ATRNL1: variants seen among roughly 807,000 people sequenced by gnomAD.
The protein encoded by ATRNL1 is attractin like 1.
A neutral mutation model predicts 182.7 loss-of-function variants in ATRNL1; 95 were observed. That is an observed-to-expected ratio of 0.52 (90% CI 0.44 to 0.62). The LOEUF (loss-of-function observed/expected upper bound fraction) is 0.62. ATRNL1 is among the 20% of genes least tolerant of loss of function. The pLI is 0.00. For synonymous variants in ATRNL1, 576 were observed against 568.3 expected, an observed-to-expected ratio of 1.01 and a Z score of -0.19; for missense variants, 1,471 against 1,679.5, an observed-to-expected ratio of 0.88 and a Z score of 2.17.
chr10:115,486,119 C>T (rs1304378516), intron 24 of ATRNL1, among the ~76,000 whole-genome samples: 2 of 152,068 alleles, frequency 1.3e-5, no homozygotes, highest in Non-Finnish European at 2.9e-5. Context: ...TGTATATGTG[C>T]CACATTTTCT....
At chr10:115,338,913 A>G (rs927788974) in intron 19 of ATRNL1, among the ~76,000 whole-genome samples, 1 of 152,166 alleles carries the variant, frequency 6.6e-6, no homozygotes, top group Non-Finnish European at 1.5e-5. Flanking sequence ...GGCAAGAGAT[A>G]GGCTCTAGTT....
At chr10:115,709,032 A>G (rs139342718) in intron 26 of ATRNL1, among the ~76,000 whole-genome samples, 1,551 of 151,976 alleles carry the variant, frequency 0.01, 20 homozygotes, top group Non-Finnish European at 0.012. Flanking sequence ...CAGTGGCATC[A>G]GTAGACTGAA....
At chr10:115,397,193 G>A (rs1287989412) in intron 20 of ATRNL1, among the ~76,000 whole-genome samples, 5 of 151,886 alleles carry the variant, frequency 3.3e-5, no homozygotes, top group Non-Finnish European at 7.4e-5. Context: ...TATTAAGTGA[G>A]TACTTGATAC....
At chr10:115,324,047 G>T (rs1554932421) in intron 18 of ATRNL1, among the ~76,000 whole-genome samples, 1 of 152,182 alleles carries the variant, frequency 6.6e-6, no homozygotes, top group Non-Finnish European at 1.5e-5. Context: ...AAAGTGCTGG[G>T]ATTACAGGTG....
chr10:115,705,405 A>G (rs1453273056), intron 26 of ATRNL1, among the ~76,000 whole-genome samples: 1 of 151,970 alleles, frequency 6.6e-6, no homozygotes, highest in Non-Finnish European at 1.5e-5. Context: ...AATATGCTGT[A>G]TATTTATTAC....
chr10:115,639,215 T>C (rs1211773957), intron 26 of ATRNL1, among the ~76,000 whole-genome samples: 1 of 152,178 alleles, frequency 6.6e-6, no homozygotes, highest in Non-Finnish European at 1.5e-5. Context: ...TTTTAAACTA[T>C]GGAGTCTGTA....
chr10:115,377,280 C>G (rs1004550896), intron 19 of ATRNL1, among the ~76,000 whole-genome samples: 1 of 152,094 alleles, frequency 6.6e-6, no homozygotes, highest in African/African-American at 2.4e-5. Context: ...GTGAATAAGT[C>G]TCACGAGGTC....
chr10:115,215,551 T>A, intron 8 of ATRNL1, 146 bp from the exon 9 acceptor site: 1 of 645,836 alleles, frequency 1.5e-6, no homozygotes, highest in Non-Finnish European at 2.4e-6. Context: ...ACTTAATAAG[T>A]GTTTCTTGAT....
rs149730341 is a variant in ATRNL1 at position 115,529,084 on chromosome 10, T to C, written c.3716+9760T>C. ...GTGCCCATCAGGAGAATATGTATTC[T>C]GTTGTTTTTAGGTAGAATATCCTGT... On this transcript the variant is annotated intron_variant, in intron 25 of 28. Coordinates refer to ENST00000355044, the MANE Select transcript of ATRNL1 (RefSeq NM_207303.4). Among the ~76,000 whole-genome samples, 1,269 of 152,220 alleles carry C rather than the reference T, an allele frequency of 8.3e-3. 17 individuals are homozygous for C. The highest frequency in any genetic ancestry group is 0.029 in the African/African-American group (1,208 of 41,562).
chr10:115,449,115 A>G (rs1419002044), intron 21 of ATRNL1, among the ~76,000 whole-genome samples: 5 of 152,134 alleles, frequency 3.3e-5, no homozygotes, highest in Non-Finnish European at 7.4e-5. Context: ...CAAAGGGAGA[A>G]ATTTCTATCA....
rs200922432 is a variant in ATRNL1, at chr10:115,575,605, C to T, written c.3795+26069C>T. Among the ~76,000 whole-genome samples, 4 of 152,210 alleles carry T rather than the reference C, an allele frequency of 2.6e-5. No individual in the cohort carries two copies. In the East Asian group the frequency reaches 7.7e-4, roughly 29 times the overall value. Reference sequence around the variant, plus strand: ...TCTTTCTGCATGCTAATGTCACCTACTTGCCACAATTGCATTTTTGCAAAT... The same window carrying T: ...TCTTTCTGCATGCTAATGTCACCTATTTGCCACAATTGCATTTTTGCAAAT... On this transcript the variant is annotated intron_variant, in intron 26 of 28. Transcript: ENST00000355044.
intron 27 of ATRNL1, among the ~76,000 whole-genome samples, chr10:115,842,075 G>A (rs1555097339): frequency 1.3e-5 from 2 of 151,898 alleles, no homozygotes; most frequent in Non-Finnish European, 2.9e-5. Context: ...ATTTTAGTAG[G>A]GAAATGTTAG....
intron 9 of ATRNL1, among the ~76,000 whole-genome samples, chr10:115,225,106 G>A (rs1554898358): frequency 2.0e-5 from 3 of 151,922 alleles, no homozygotes; most frequent in Non-Finnish European, 2.9e-5. Context: ...TTCCATGGAC[G>A]ATTCCAGCAA....
At chr10:115,494,958 T>C (rs1481446310) in intron 24 of ATRNL1, among the ~76,000 whole-genome samples, 2 of 152,162 alleles carry the variant, frequency 1.3e-5, no homozygotes, top group Non-Finnish European at 2.9e-5. Flanking sequence ...TGTGAATCTG[T>C]CTGGTCTTGG....
chr10:115,167,028 G>C (rs1554884523), intron 7 of ATRNL1, among the ~76,000 whole-genome samples: 1 of 151,852 alleles, frequency 6.6e-6, no homozygotes, highest in African/African-American at 2.4e-5. Context: ...GAGTTTTAAA[G>C]TTTTAGTTCT....
intron 20 of ATRNL1, among the ~76,000 whole-genome samples, chr10:115,415,970 T>A (rs892133218): frequency 1.3e-5 from 2 of 152,048 alleles, no homozygotes; most frequent in Non-Finnish European, 2.9e-5. Context: ...ATATTTTATA[T>A]CTTTTAGGTC....
chr10:115,790,282 T>C (rs1008690137), intron 27 of ATRNL1, among the ~76,000 whole-genome samples: 1 of 152,056 alleles, frequency 6.6e-6, no homozygotes, highest in Non-Finnish European at 1.5e-5. Context: ...CTCTTATTAT[T>C]TGAAAGAGCC....
chr10:115,912,399 C>CAT (rs1252466516), intron 28 of ATRNL1, among the ~76,000 whole-genome samples: 31 of 116,826 alleles, frequency 2.7e-4, no homozygotes, highest in East Asian at 1.2e-3. Context: ...TAGTGAAATA[C>CAT]ATATATATAT....
chr10:115,853,099 A>G (rs1396319091), intron 28 of ATRNL1, among the ~76,000 whole-genome samples: 3 of 151,910 alleles, frequency 2.0e-5, no homozygotes, highest in Non-Finnish European at 2.9e-5. Flanking sequence ...GATGCGTTTC[A>G]CTCTAACCCC....
Sources: gnomAD v4.1 joint callset for allele counts (sites outside exome capture counted in the v4.1 genomes callset) on GRCh38, gnomAD v4.1.1 for gene constraint, MANE v1.5 for transcripts, NCBI Gene and HGNC (gene_info 2026-07-23, HGNC 2026-07-21) for gene names.